PLXNA4: variants seen among roughly 807,000 people sequenced by gnomAD.
PLXNA4 encodes plexin-A4.
A neutral mutation model predicts 191.8 loss-of-function variants in PLXNA4; 44 were observed. The observed-to-expected ratio is 0.23, with a 90% CI of 0.18 to 0.29. The LOEUF (loss-of-function observed/expected upper bound fraction) is 0.29. Ranked by LOEUF, PLXNA4 falls within the 10% of genes least tolerant of loss-of-function variation. The pLI is 1.00. For missense variants in PLXNA4, 1,800 were observed against 2,488.8 expected (o/e 0.72, Z 5.89); for synonymous variants, 1,082 against 1,009.5 (o/e 1.07, Z -1.36).
At chr7:132,412,659 G>T (rs935876680) in intron 3 of PLXNA4, among the ~76,000 whole-genome samples, 1 of 152,206 alleles carries the variant, frequency 6.6e-6, no homozygotes, top group Non-Finnish European at 1.5e-5. Flanking sequence ...TGGCACAGAT[G>T]GATTAATTTC....
At chr7:132,204,922 G>A (rs920330036) in intron 10 of PLXNA4, among the ~76,000 whole-genome samples, 1 of 152,166 alleles carries the variant, frequency 6.6e-6, no homozygotes. Flanking sequence ...TCCTGGCTCT[G>A]CCCTAGCATC....
At chr7:132,291,229 G>A (rs987314199) in intron 4 of PLXNA4, among the ~76,000 whole-genome samples, 4 of 152,062 alleles carry the variant, frequency 2.6e-5, no homozygotes, top group East Asian at 1.9e-4. Flanking sequence ...CGGTCCTCTC[G>A]CACCACTTCA....
intron 3 of PLXNA4, among the ~76,000 whole-genome samples, chr7:132,339,029 C>T (rs1585010240): frequency 1.3e-5 from 2 of 152,098 alleles, no homozygotes; most frequent in Admixed American, 1.3e-4. Flanking sequence ...GCCCATGGAC[C>T]CATCCAAGAT....
chr7:132,492,119 T>C (rs1173389524), intron 2 of PLXNA4, among the ~76,000 whole-genome samples: 1 of 152,156 alleles, frequency 6.6e-6, no homozygotes, highest in Non-Finnish European at 1.5e-5. Flanking sequence ...TATGATCCAT[T>C]TTCTGAGTAG....
chr7:132,131,348 C>T (rs905216547), intron 31 of PLXNA4, among the ~76,000 whole-genome samples: 8 of 152,036 alleles, frequency 5.3e-5, no homozygotes, highest in Non-Finnish European at 7.4e-5. Context: ...GAACACTCAA[C>T]GTCCTCAACT....
chr7:132,134,754 C>A (rs1795064483), intron 30 of PLXNA4, among the ~76,000 whole-genome samples: 1 of 152,208 alleles, frequency 6.6e-6, no homozygotes, highest in Non-Finnish European at 1.5e-5. Flanking sequence ...AGACAGGCCG[C>A]CCTGCCCCCG....
At chr7:132,522,280 T>C (rs1799219960) in intron 1 of PLXNA4, among the ~76,000 whole-genome samples, 1 of 152,196 alleles carries the variant, frequency 6.6e-6, no homozygotes, top group South Asian at 2.1e-4. Flanking sequence ...GTGGAATGCT[T>C]TGCCTTCTCT....
At chr7:132,398,667 T>C (rs577540065) in intron 3 of PLXNA4, among the ~76,000 whole-genome samples, 91 of 152,338 alleles carry the variant, frequency 6.0e-4, no homozygotes, top group Non-Finnish European at 1.1e-3. Context: ...TTGCCATAAA[T>C]GGCTCTAAAA....
rs1212996480 is a variant in PLXNA4 at position 132,484,570 on chromosome 7, T to TTG, written c.1371+4720_1371+4721dup. Among the ~76,000 whole-genome samples the TTG allele has an allele frequency of 3.3e-5, 5 of 152,234 alleles. No individual in the cohort carries two copies. The East Asian group carries it at 9.6e-4, about 29-fold the overall frequency. On this transcript the variant is annotated intron_variant, in intron 3 of 31. Coordinates refer to ENST00000321063, the MANE Select transcript of PLXNA4 (RefSeq NM_020911.2). ...CTTCTGCATTTCTTTCCCTTTGTGC[T>TTG]TGTGATCAATCACACATGAACCCAT... is the stretch of plus-strand genomic sequence containing the variant.
At chr7:132,328,151 G>C (rs1802445040) in intron 3 of PLXNA4, among the ~76,000 whole-genome samples, 1 of 152,136 alleles carries the variant, frequency 6.6e-6, no homozygotes, top group African/African-American at 2.4e-5. Context: ...TAAGTGAAGG[G>C]GTCACTGGGT....
chr7:132,561,637 CCTT>C (rs770438293), intron 1 of PLXNA4, among the ~76,000 whole-genome samples: 17 of 134,586 alleles, frequency 1.3e-4, no homozygotes, highest in East Asian at 4.8e-4. Context: ...TCCTCCTCCT[CCTT>C]CTCCTCCTCT....
At chr7:132,197,605 G>A (rs893937372) in intron 13 of PLXNA4, among the ~76,000 whole-genome samples, 1 of 152,176 alleles carries the variant, frequency 6.6e-6, no homozygotes, top group Non-Finnish European at 1.5e-5. Flanking sequence ...ATGGACCAGA[G>A]AGGTGAGTCC....
chr7:132,465,586 C>T (rs938161113), intron 3 of PLXNA4, among the ~76,000 whole-genome samples: 2 of 152,168 alleles, frequency 1.3e-5, no homozygotes, highest in Non-Finnish European at 2.9e-5. Context: ...CATCCAAAAT[C>T]TCTCTGGGCA....
In PLXNA4 at chr7:132,362,747, C is replaced by T. The variant is rs570127950; in HGVS notation, c.1372-64525G>A. Among the ~76,000 whole-genome samples the T allele has an allele frequency of 7.3e-4, 111 of 152,312 alleles. 2 individuals are homozygous for T. Among genetic ancestry groups the T allele is most frequent in the African/African-American group, 2.6e-3 (109 of 41,566 alleles). On this transcript the variant is annotated intron_variant, in intron 3 of 31. Transcript: ENST00000321063. ...ATAAACCATGACTTTGGGAAAGACA[C>T]ATAGCTTTTCTGAGTCACAGGCCCT...
chr7:132,441,106 TC>T (rs1346379837), intron 3 of PLXNA4, among the ~76,000 whole-genome samples: 1 of 152,164 alleles, frequency 6.6e-6, no homozygotes, highest in Non-Finnish European at 1.5e-5. Context: ...AGACCCTGGG[TC>T]CCTCCCAATG....
chr7:132,488,893 A>C (rs949877257), intron 3 of PLXNA4, among the ~76,000 whole-genome samples: 2 of 152,240 alleles, frequency 1.3e-5, no homozygotes. Context: ...ATGATGCAGC[A>C]GCCAGAAGGG....
intron 2 of PLXNA4, among the ~76,000 whole-genome samples, chr7:132,607,756 C>G (rs767903543): frequency 6.6e-6 from 1 of 151,986 alleles, no homozygotes; most frequent in Non-Finnish European, 1.5e-5. Flanking sequence ...GGAAAGTGAG[C>G]AGCATCACAT....
intron 1 of PLXNA4, among the ~76,000 whole-genome samples, chr7:132,557,627 T>C (rs747644046): frequency 6.6e-6 from 1 of 152,080 alleles, no homozygotes; most frequent in Non-Finnish European, 1.5e-5. Flanking sequence ...CCAAGTTTAA[T>C]GGAGTTTTCA....
intron 3 of PLXNA4, among the ~76,000 whole-genome samples, chr7:132,404,851 A>C (rs896572660): frequency 1.3e-5 from 2 of 152,040 alleles, no homozygotes; most frequent in African/African-American, 4.8e-5. Flanking sequence ...GGAGACCAGA[A>C]GGTATAGAGG....
Sources: allele counts gnomAD v4.1 joint callset (sites outside exome capture counted in the v4.1 genomes callset), GRCh38; gene constraint gnomAD v4.1.1; transcripts MANE v1.5; gene names NCBI Gene and HGNC (gene_info 2026-07-23, HGNC 2026-07-21).